ARB2A: variants seen among roughly 807,000 people sequenced by gnomAD.
ARB2A encodes the protein ARB2 cotranscriptional regulator A, also known as cotranscriptional regulator ARB2A.
At chr5:93,932,434 C>G in the ARB2A span, among the ~76,000 whole-genome samples, 4 of 151,956 alleles carry the variant, frequency 2.6e-5, no homozygotes, top group Non-Finnish European at 4.4e-5. Flanking sequence ...AACTAAAGCA[C>G]CAATAAACAT....
chr5:94,111,343 A>G, the ARB2A span, among the ~76,000 whole-genome samples: 16,490 of 152,150 alleles, frequency 0.11, 993 homozygotes, highest in Middle Eastern at 0.16. Flanking sequence ...CCATCAGCGG[A>G]GGCCCAGACA....
At chr5:93,780,934 C>G in the ARB2A span, among the ~76,000 whole-genome samples, 19 of 152,128 alleles carry the variant, frequency 1.2e-4, no homozygotes, top group African/African-American at 4.6e-4. Flanking sequence ...TATTACTTAA[C>G]CTTTGTTCTG....
At chr5:93,739,495 A>T in the ARB2A span, 1 of 152,176 alleles carries the variant, frequency 6.6e-6, no homozygotes, top group East Asian at 1.9e-4. Context: ...GAAATAAGAC[A>T]TAAACTCTGA....
chr5:94,083,838 A>T, the ARB2A span, among the ~76,000 whole-genome samples: 1 of 151,922 alleles, frequency 6.6e-6, no homozygotes, highest in Non-Finnish European at 1.5e-5. Context: ...AAAAAAAAAC[A>T]AGAATCTCTG....
chr5:93,954,471 G>A, the ARB2A span, among the ~76,000 whole-genome samples: 2 of 151,754 alleles, frequency 1.3e-5, no homozygotes, highest in East Asian at 1.9e-4. Context: ...CCTATCCTAC[G>A]GTGGCTCATC....
the ARB2A span, among the ~76,000 whole-genome samples, chr5:93,761,582 C>A: frequency 1.3e-5 from 2 of 152,214 alleles, no homozygotes; most frequent in African/African-American, 4.8e-5. Flanking sequence ...GTGGAGCCCA[C>A]CTCAGCTCAA....
chr5:93,897,015 A>G, the ARB2A span, among the ~76,000 whole-genome samples: 1 of 152,124 alleles, frequency 6.6e-6, no homozygotes, highest in Middle Eastern at 3.4e-3. Flanking sequence ...AGCTTTTTCC[A>G]TCTTACATCA....
chr5:93,854,173 G>C, the ARB2A span, among the ~76,000 whole-genome samples: 16 of 152,252 alleles, frequency 1.1e-4, no homozygotes, highest in African/African-American at 3.6e-4. Flanking sequence ...ACTTCTTCCT[G>C]ATTTAGTCTT....
chr5:93,943,958 T>C, the ARB2A span, among the ~76,000 whole-genome samples: 2 of 152,238 alleles, frequency 1.3e-5, no homozygotes, highest in African/African-American at 4.8e-5. Flanking sequence ...ATTTAGAAAC[T>C]AAAAAACTCT....
the ARB2A span, among the ~76,000 whole-genome samples, chr5:93,709,565 G>A: frequency 3.7e-5 from 5 of 136,074 alleles, no homozygotes; most frequent in East Asian, 2.4e-4. Context: ...TCCAGGAGGC[G>A]AAGGTTGCAG....
the ARB2A span, among the ~76,000 whole-genome samples, chr5:93,744,490 G>T: frequency 6.8e-6 from 1 of 147,116 alleles, no homozygotes; most frequent in Non-Finnish European, 1.5e-5. Context: ...AACTTGATGG[G>T]TTTTTAAAAT....
At chr5:93,849,402 C>G in the ARB2A span, among the ~76,000 whole-genome samples, 2 of 151,914 alleles carry the variant, frequency 1.3e-5, no homozygotes, top group African/African-American at 4.8e-5. Context: ...TAAAGTTAAG[C>G]ACCTAGAAAT....
the ARB2A span, among the ~76,000 whole-genome samples, chr5:93,661,425 A>G: frequency 3.0e-4 from 46 of 152,232 alleles, no homozygotes; most frequent in South Asian, 9.3e-3. Flanking sequence ...ATTGCTTATG[A>G]CCTGTTTCAG....
chr5:93,826,893 G>A, the ARB2A span, among the ~76,000 whole-genome samples: 1 of 151,750 alleles, frequency 6.6e-6, no homozygotes, highest in Non-Finnish European at 1.5e-5. Context: ...ATGATTTCTA[G>A]CTTCATCCAT....
the ARB2A span, chr5:94,053,136 A>T: frequency 1.9e-6 from 3 of 1,579,484 alleles, no homozygotes; most frequent in East Asian, 6.8e-5. Context: ...TTTCATTAAA[A>T]GCATATTCAA....
the ARB2A span, among the ~76,000 whole-genome samples, chr5:93,923,049 C>T: frequency 6.6e-6 from 1 of 152,046 alleles, no homozygotes; most frequent in Non-Finnish European, 1.5e-5. Flanking sequence ...TTTGCCTCTG[C>T]CACCACTGAG....
At chr5:93,690,580 TC>T in the ARB2A span, among the ~76,000 whole-genome samples, 4 of 152,130 alleles carry the variant, frequency 2.6e-5, no homozygotes, top group African/African-American at 9.6e-5. Flanking sequence ...CAAACTCCCA[TC>T]TCCCTGGGAC....
At chr5:93,975,321 A>G in the ARB2A span, among the ~76,000 whole-genome samples, 1 of 150,744 alleles carries the variant, frequency 6.6e-6, no homozygotes, top group Non-Finnish European at 1.5e-5. Context: ...CATCTCAAAA[A>G]AAAAAAAAAA....
chr5:93,644,837 A>G, the ARB2A span, among the ~76,000 whole-genome samples: 6 of 152,362 alleles, frequency 3.9e-5, no homozygotes, highest in Admixed American at 6.5e-5. Context: ...TTAATGCAAC[A>G]GATAAAGTTA....
Sources: gnomAD v4.1 joint callset for allele counts (sites outside exome capture counted in the v4.1 genomes callset) on GRCh38, gnomAD v4.1.1 for gene constraint, MANE v1.5 for transcripts, NCBI Gene and HGNC (gene_info 2026-07-23, HGNC 2026-07-21) for gene names.